GRIA1: variants seen among roughly 807,000 people sequenced by gnomAD.
The protein encoded by GRIA1 is glutamate ionotropic receptor AMPA type subunit 1.
Under a neutral mutation model 99.2 loss-of-function variants are expected in GRIA1, and 31 were observed. That is an observed-to-expected ratio of 0.31 (90% CI 0.23 to 0.42). GRIA1 has a LOEUF of 0.42. GRIA1 is among the 10% of genes least tolerant of loss of function. GRIA1 has a pLI of 1.00. For missense variants in GRIA1, 782 were observed against 1,157.5 expected, an observed-to-expected ratio of 0.68 and a Z score of 4.71; for synonymous variants, 438 against 432.4, an observed-to-expected ratio of 1.01 and a Z score of -0.16.
At chr5:153,534,271 G>A (rs545158298) in intron 2 of GRIA1, among the ~76,000 whole-genome samples, 2 of 152,170 alleles carry the variant, frequency 1.3e-5, no homozygotes, top group Non-Finnish European at 2.9e-5. Flanking sequence ...GAACAGTCAG[G>A]TTACTTTCCC....
chr5:153,780,206 C>T (rs1180807391), intron 13 of GRIA1, among the ~76,000 whole-genome samples: 1 of 152,144 alleles, frequency 6.6e-6, no homozygotes, highest in Non-Finnish European at 1.5e-5. Flanking sequence ...AAGGCAGCTG[C>T]TGTAATACAA....
In GRIA1 at chr5:153,656,138, T is replaced by A. The variant is rs566766606; in HGVS notation, c.699+266T>A. On this transcript the variant is annotated intron_variant, in intron 5 of 15. Transcript: ENST00000285900. The stretch of plus-strand genomic sequence containing the variant: ...ATCATCTTCACAATTCCAGCTTTAA[T>A]TGGCTCTGCCCCTTGGCAATAGGGA... 9.8e-5 allele frequency among the ~76,000 whole-genome samples: 15 copies of A among 152,294 alleles called. No individual in the cohort carries two copies. In the South Asian group the frequency reaches 2.7e-3, roughly 27 times the overall value.
intron 2 of GRIA1, among the ~76,000 whole-genome samples, chr5:153,583,617 T>A (rs921724257): frequency 4.6e-5 from 7 of 152,194 alleles, no homozygotes; most frequent in African/African-American, 1.7e-4. Context: ...ACATCCTAAC[T>A]TTTTATGTCT....
Position 153,599,122 on chromosome 5 carries a change from T to A in GRIA1, c.221-47806T>A, listed in dbSNP as rs1274821537. Among the ~76,000 whole-genome samples, 3 of 152,146 alleles carry A rather than the reference T, an allele frequency of 2.0e-5. No individual in the cohort carries two copies. In the East Asian group the frequency reaches 5.8e-4, roughly 29 times the overall value. ...TGGTCTCGATCTCCTGACCTCGTGATCCACCCACCTCAGCCTGCCAAAGTG... is the reference window on the plus strand; with the variant it reads ...TGGTCTCGATCTCCTGACCTCGTGAACCACCCACCTCAGCCTGCCAAAGTG... On this transcript the variant is annotated intron_variant, in intron 2 of 15. Transcript: ENST00000285900.
intron 4 of GRIA1, among the ~76,000 whole-genome samples, chr5:153,653,714 A>G (rs1004772115): frequency 6.6e-6 from 1 of 152,124 alleles, no homozygotes. Flanking sequence ...TAAAATGTTA[A>G]CTCAACTCAA....
At chr5:153,754,786 A>G (rs1762716798) in intron 11 of GRIA1, among the ~76,000 whole-genome samples, 1 of 152,140 alleles carries the variant, frequency 6.6e-6, no homozygotes, top group Admixed American at 6.5e-5. Flanking sequence ...TTCATTTACT[A>G]ATGAGGGCCT....
intron 11 of GRIA1, 115 bp from the exon 12 acceptor site, chr5:153,764,319 G>A (rs1461069956): frequency 1.4e-6 from 1 of 739,802 alleles, no homozygotes; most frequent in African/African-American, 1.7e-5. Flanking sequence ...GATGAGAAGG[G>A]TGCAATAGGG....
At chr5:153,513,824 A>C (rs927348472) in intron 2 of GRIA1, among the ~76,000 whole-genome samples, 1 of 139,848 alleles carries the variant, frequency 7.2e-6, no homozygotes, top group South Asian at 2.4e-4. Context: ...ATTTTGTAAT[A>C]TCTCTATGTT....
At chr5:153,643,001 C>T (rs1753883893) in intron 2 of GRIA1, among the ~76,000 whole-genome samples, 1 of 152,124 alleles carries the variant, frequency 6.6e-6, no homozygotes, top group Non-Finnish European at 1.5e-5. Flanking sequence ...TGAGGCACAA[C>T]TCCTGCAGAG....
At chr5:153,534,647 G>A (rs929106628) in intron 2 of GRIA1, among the ~76,000 whole-genome samples, 8 of 152,170 alleles carry the variant, frequency 5.3e-5, no homozygotes. Context: ...GTAAGTGCTT[G>A]ACTGAGACTA....
intron 2 of GRIA1, chr5:153,494,318 G>C: frequency 2.2e-6 from 1 of 462,048 alleles, no homozygotes; most frequent in South Asian, 2.8e-5. Flanking sequence ...ATGGGTGCTT[G>C]GGTTGACTGC....
Position 153,775,789 on chromosome 5 carries a change from G to A in GRIA1, c.2270+5374G>A, listed in dbSNP as rs114411542. On this transcript the variant is annotated intron_variant, in intron 13 of 15. Transcript: ENST00000285900. The stretch of plus-strand genomic sequence containing the variant: ...AAAAAGGAGGAGAGTCAACGTTTGC[G>A]TGGTAGGATTTGCAATGGTGGAAGA... Among the ~76,000 whole-genome samples the A allele has an allele frequency of 5.8e-3, 873 of 151,726 alleles. 9 individuals are homozygous for A. Among genetic ancestry groups the A allele is most frequent in the African/African-American group, 0.02 (826 of 41,284 alleles).
chr5:153,584,761 GA>G (rs1763326991), intron 2 of GRIA1, among the ~76,000 whole-genome samples: 1 of 152,172 alleles, frequency 6.6e-6, no homozygotes, highest in Admixed American at 6.5e-5. Flanking sequence ...TTTGAAATGA[GA>G]TGACTACAAT....
At chr5:153,520,154 T>A (rs1757008445) in intron 2 of GRIA1, among the ~76,000 whole-genome samples, 1 of 152,234 alleles carries the variant, frequency 6.6e-6, no homozygotes, top group Admixed American at 6.5e-5. Context: ...GACTCCCAAC[T>A]GGTCTCCTTC....
At chr5:153,741,927 CTT>C (rs147525738) in intron 11 of GRIA1, among the ~76,000 whole-genome samples, 2,275 of 89,988 alleles carry the variant, frequency 0.025, 46 homozygotes, top group African/African-American at 0.082. Context: ...AAAACTAAAG[CTT>C]TTTTTAAAAA....
chr5:153,563,189 A>T (rs1045827419), intron 2 of GRIA1, among the ~76,000 whole-genome samples: 1 of 152,022 alleles, frequency 6.6e-6, no homozygotes, highest in Non-Finnish European at 1.5e-5. Context: ...AAAAAAAAAA[A>T]AACCTTCTTG....
intron 13 of GRIA1, among the ~76,000 whole-genome samples, chr5:153,785,134 G>A (rs375527077): frequency 5.3e-5 from 8 of 152,306 alleles, no homozygotes; most frequent in African/African-American, 1.9e-4. Context: ...AAAAGAGAAA[G>A]GAGGAAAAGG....
At chr5:153,684,088 G>T (rs1482843042) in intron 7 of GRIA1, among the ~76,000 whole-genome samples, 1 of 152,108 alleles carries the variant, frequency 6.6e-6, no homozygotes, top group Non-Finnish European at 1.5e-5. Context: ...TTTTAGACCT[G>T]CCTCTGCCAC....
rs1561862454 is a variant in GRIA1 at position 153,789,813 on chromosome 5, G to A, written c.2271-4808G>A. ...ACCTAATGGCACACCATAAGTGCTGGGGCTAAGATTTAAACTCAGGTCTCC... is the reference window on the plus strand; with the variant it reads ...ACCTAATGGCACACCATAAGTGCTGAGGCTAAGATTTAAACTCAGGTCTCC... On this transcript the variant is annotated intron_variant, in intron 13 of 15. Coordinates refer to ENST00000285900, the MANE Select transcript of GRIA1 (RefSeq NM_000827.4). Among the ~76,000 whole-genome samples the A allele has an allele frequency of 4.6e-5, 7 of 152,274 alleles. No homozygotes were observed. In the South Asian group the frequency reaches 1.2e-3, roughly 27 times the overall value.
Sources: allele counts gnomAD v4.1 joint callset (sites outside exome capture counted in the v4.1 genomes callset), GRCh38; gene constraint gnomAD v4.1.1; transcripts MANE v1.5; gene names NCBI Gene and HGNC (gene_info 2026-07-23, HGNC 2026-07-21).